Variants in APOLD1 observed in about 807,000 individuals in gnomAD.
The protein encoded by APOLD1 is apolipoprotein L domain-containing protein 1.
In APOLD1, 22 loss-of-function variants were observed where a neutral mutation model predicts 15.3. The observed-to-expected ratio is 1.44, with a 90% confidence interval of 1.03 to 2.05. The LOEUF is 2.05. Ranked by LOEUF, APOLD1 falls within the 30% of genes most tolerant of loss-of-function variation. APOLD1 has a pLI of 0.00. For synonymous variants in APOLD1, 190 were observed against 167.4 expected, an observed-to-expected ratio of 1.13 and a Z score of -1.04; for missense variants, 394 against 353.5, an observed-to-expected ratio of 1.11 and a Z score of -0.92.
intron 1 of APOLD1, among the ~76,000 whole-genome samples, chr12:12,774,565 A>G (rs1167731616): frequency 1.4e-5 from 2 of 143,108 alleles, no homozygotes; most frequent in African/African-American, 2.5e-5. Context: ...AAAAAAAAAA[A>G]AAAAAAAAAG....
intron 1 of APOLD1, among the ~76,000 whole-genome samples, chr12:12,761,932 T>C (rs1350299929): frequency 6.6e-6 from 1 of 150,716 alleles, no homozygotes; most frequent in Non-Finnish European, 1.5e-5. Context: ...AACTCCTGAG[T>C]TTAAGCAATC....
At chr12:12,760,016 A>G (rs1244612390) in intron 1 of APOLD1, among the ~76,000 whole-genome samples, 3 of 152,240 alleles carry the variant, frequency 2.0e-5, no homozygotes, top group Non-Finnish European at 4.4e-5. Context: ...AATTAAGACA[A>G]GCAACTGAAT....
chr12:12,760,360 G>A (rs915666827), intron 1 of APOLD1, among the ~76,000 whole-genome samples: 2 of 150,424 alleles, frequency 1.3e-5, no homozygotes, highest in South Asian at 2.1e-4. Context: ...AACCTTGGCC[G>A]GGTGCAGTGG....
chr12:12,748,288 C>A (rs892920633), intron 1 of APOLD1, among the ~76,000 whole-genome samples: 1 of 152,090 alleles, frequency 6.6e-6, no homozygotes, highest in African/African-American at 2.4e-5. Context: ...ACAAACAGTC[C>A]AAGTTTTAAT....
chr12:12,763,251 C>A (rs952623634), intron 1 of APOLD1, among the ~76,000 whole-genome samples: 1 of 152,128 alleles, frequency 6.6e-6, no homozygotes, highest in Non-Finnish European at 1.5e-5. Flanking sequence ...CATTACCTCA[C>A]ATTTTTTTTT....
intron 1 of APOLD1, among the ~76,000 whole-genome samples, chr12:12,770,398 T>C (rs951430742): frequency 5.3e-5 from 8 of 151,944 alleles, no homozygotes; most frequent in African/African-American, 1.9e-4. Context: ...GAGCGAGACT[T>C]CATCTCAAAA....
chr12:12,764,775 G>A (rs746578561), intron 1 of APOLD1: 2 of 434,308 alleles, frequency 4.6e-6, no homozygotes, highest in Non-Finnish European at 9.9e-6. Context: ...TTCCCCAGGT[G>A]GATGTGATTC....
At chr12:12,743,581 T>C (rs951035377) in intron 1 of APOLD1, among the ~76,000 whole-genome samples, 2 of 152,206 alleles carry the variant, frequency 1.3e-5, no homozygotes, top group East Asian at 3.8e-4. Flanking sequence ...TCTCACTCTG[T>C]GGGAGGCACA....
Position 12,757,661 on chromosome 12 carries a change from CT to C in APOLD1, c.97-29240del, listed in dbSNP as rs200041278. 1.7e-4 allele frequency among the ~76,000 whole-genome samples: 26 copies of C among 150,408 alleles called. No individual in the cohort carries two copies. The Middle Eastern group carries it at 0.01, about 59-fold the overall frequency. On this transcript the variant is annotated intron_variant, in intron 1 of 1. Coordinates refer to the APOLD1 transcript ENST00000326765. ...CTCCCAAAAGTAACCGCTTTCTTGCCTTTTTTTTCTTTAAAAAAAAAATCAT... is the reference window on the plus strand; with the variant it reads ...CTCCCAAAAGTAACCGCTTTCTTGCCTTTTTTTCTTTAAAAAAAAAATCAT...
upstream of APOLD1, chr12:12,785,521 C>A: frequency 9.1e-7 from 1 of 1,104,608 alleles, no homozygotes; most frequent in Non-Finnish European, 1.3e-6. Context: ...GGTCATTTTC[C>A]ACCATGTCAC....
intron 1 of APOLD1, among the ~76,000 whole-genome samples, chr12:12,778,330 A>G (rs1325502077): frequency 6.8e-6 from 1 of 146,544 alleles, no homozygotes; most frequent in Non-Finnish European, 1.5e-5. Context: ...ATTTTATTTT[A>G]CATTTTTGAG....
At chr12:12,732,244 C>T (rs187414611) in intron 1 of APOLD1, among the ~76,000 whole-genome samples, 2 of 152,144 alleles carry the variant, frequency 1.3e-5, no homozygotes, top group Admixed American at 6.6e-5. Flanking sequence ...TACAGCTAAC[C>T]GTTTGGAGAA....
Position 12,748,325 on chromosome 12 carries a change from C to G in APOLD1, c.96+22229C>G, listed in dbSNP as rs118055529. Among the ~76,000 whole-genome samples the G allele has an allele frequency of 7.9e-3, 1,202 of 152,266 alleles. 14 individuals carry two copies. Among genetic ancestry groups the G allele is most frequent in the South Asian group, 0.027 (131 of 4,820 alleles). On this transcript the variant is annotated intron_variant, in intron 1 of 1. Coordinates refer to the APOLD1 transcript ENST00000326765. ...CCTCTTTTATGTTGTTTTGCACTAT[C>G]CTTAAGGGCAAGAGAGGGCAAGGTG...
intron 1 of APOLD1, among the ~76,000 whole-genome samples, chr12:12,741,407 G>A (rs1946728749): frequency 6.6e-6 from 1 of 152,092 alleles, no homozygotes; most frequent in South Asian, 2.1e-4. Flanking sequence ...TAGAGACAAG[G>A]TATTGTTATG....
intron 1 of APOLD1, among the ~76,000 whole-genome samples, chr12:12,730,680 T>TAAA (rs1172166554): frequency 1.0e-5 from 1 of 96,600 alleles, no homozygotes; most frequent in Non-Finnish European, 1.9e-5. Flanking sequence ...AGACTTCCTC[T>TAAA]AAAAAAAAAA....
chr12:12,767,795 CT>C (rs111735680), intron 1 of APOLD1, among the ~76,000 whole-genome samples: 2,619 of 147,516 alleles, frequency 0.018, 53 homozygotes, highest in African/African-American at 0.06. Context: ...AATCCTATGC[CT>C]TTTTTTTTTG....
At chr12:12,742,858 G>A (rs1946738771) in intron 1 of APOLD1, among the ~76,000 whole-genome samples, 1 of 152,260 alleles carries the variant, frequency 6.6e-6, no homozygotes, top group African/African-American at 2.4e-5. Flanking sequence ...TTGACATCCA[G>A]GGCTCAAATG....
intron 1 of APOLD1, among the ~76,000 whole-genome samples, chr12:12,743,319 C>T (rs1051742880): frequency 3.9e-5 from 6 of 152,016 alleles, no homozygotes; most frequent in African/African-American, 1.5e-4. Context: ...CTCTTGAGCC[C>T]AGTCAATCAC....
intron 1 of APOLD1, among the ~76,000 whole-genome samples, chr12:12,772,953 C>T (rs1947000114): frequency 6.6e-6 from 1 of 151,982 alleles, no homozygotes; most frequent in South Asian, 2.1e-4. Context: ...CATGGTGGTG[C>T]ACTCCTGTAG....
Sources: allele counts gnomAD v4.1 joint callset (sites outside exome capture counted in the v4.1 genomes callset), GRCh38; gene constraint gnomAD v4.1.1; transcripts MANE v1.5; gene names NCBI Gene and HGNC (gene_info 2026-07-23, HGNC 2026-07-21).